Variants in SIPA1L1 observed in about 807,000 individuals in gnomAD.
SIPA1L1 encodes the protein signal-induced proliferation-associated 1-like protein 1.
Under a neutral mutation model 162.7 loss-of-function variants are expected in SIPA1L1, and 26 were observed. The ratio of observed to expected loss-of-function variants is 0.16; its 90% CI spans 0.12 to 0.22. The LOEUF (loss-of-function observed/expected upper bound fraction) is 0.22. Among genes scored for constraint, SIPA1L1 ranks in the 10% least tolerant of loss-of-function variants. The pLI is 1.00. For missense variants in SIPA1L1, 1,874 were observed against 2,241.0 expected, an observed-to-expected ratio of 0.84 and a Z score of 3.31; for synonymous variants, 829 against 837.4, an observed-to-expected ratio of 0.99 and a Z score of 0.17.
At chr14:71,476,284 C>G (rs1172904528) in intron 2 of SIPA1L1, among the ~76,000 whole-genome samples, 1 of 152,184 alleles carries the variant, frequency 6.6e-6, no homozygotes, top group South Asian at 2.1e-4. Flanking sequence ...GCATCTGTTT[C>G]CCGGATGTTT....
intron 9 of SIPA1L1, among the ~76,000 whole-genome samples, chr14:71,659,374 C>T (rs1295565097): frequency 1.8e-4 from 28 of 152,280 alleles, no homozygotes; most frequent in Non-Finnish European, 2.5e-4. Context: ...TTGATTAAAT[C>T]ACAAATCTAG....
chr14:71,608,908 CA>C (rs1246612909), intron 5 of SIPA1L1, among the ~76,000 whole-genome samples: 3 of 151,790 alleles, frequency 2.0e-5, no homozygotes. Flanking sequence ...CAAAACAAAA[CA>C]AAAACAAACA....
intron 2 of SIPA1L1, among the ~76,000 whole-genome samples, chr14:71,459,088 T>A (rs946770549): frequency 7.3e-5 from 11 of 150,218 alleles, no homozygotes; most frequent in Non-Finnish European, 1.3e-4. Context: ...AAAAAAAAAA[T>A]TCTCAGCAAT....
intron 4 of SIPA1L1, among the ~76,000 whole-genome samples, chr14:71,580,131 C>A (rs556070455): frequency 6.6e-6 from 1 of 152,182 alleles, no homozygotes; most frequent in East Asian, 1.9e-4. Context: ...CTGACTTCAT[C>A]GCTTTCTCTT....
At chr14:71,694,765 G>A (rs998635020) in intron 13 of SIPA1L1, among the ~76,000 whole-genome samples, 4 of 152,152 alleles carry the variant, frequency 2.6e-5, no homozygotes, top group African/African-American at 9.7e-5. Flanking sequence ...AAATCTGTTG[G>A]GGCATTAACA....
chr14:71,355,993 CTCTGAGTT>C (rs1033694898), intron 2 of SIPA1L1, among the ~76,000 whole-genome samples: 2 of 152,150 alleles, frequency 1.3e-5, no homozygotes, highest in Non-Finnish European at 2.9e-5. Context: ...AGAGACTGTA[CTCTGAGTT>C]TCTGGGAATG....
At chr14:71,563,798 A>G (rs1389533821) in intron 4 of SIPA1L1, among the ~76,000 whole-genome samples, 1 of 152,220 alleles carries the variant, frequency 6.6e-6, no homozygotes, top group Non-Finnish European at 1.5e-5. Context: ...GTAACTCTCC[A>G]GCAATCTTAG....
chr14:71,585,663 G>T (rs1029895738), intron 4 of SIPA1L1, among the ~76,000 whole-genome samples: 1 of 152,156 alleles, frequency 6.6e-6, no homozygotes, highest in Non-Finnish European at 1.5e-5. Context: ...TTGGTGTGTT[G>T]TCCTTTTAGA....
At chr14:71,614,912 T>G (rs1457616649) in intron 5 of SIPA1L1, among the ~76,000 whole-genome samples, 1 of 152,184 alleles carries the variant, frequency 6.6e-6, no homozygotes, top group African/African-American at 2.4e-5. Context: ...TGTTTAATAT[T>G]TTTAGTTTAT....
chr14:71,677,119 A>G (rs2045290421), intron 12 of SIPA1L1, among the ~76,000 whole-genome samples: 1 of 152,142 alleles, frequency 6.6e-6, no homozygotes, highest in Non-Finnish European at 1.5e-5. Context: ...ATTTCTCCAC[A>G]TCCTCTCCAG....
chr14:71,431,136 T>C (rs2043957330), intron 2 of SIPA1L1, among the ~76,000 whole-genome samples: 1 of 152,202 alleles, frequency 6.6e-6, no homozygotes, highest in Non-Finnish European at 1.5e-5. Context: ...TAACTCCTAC[T>C]CACAGATCCT....
chr14:71,620,414 A>G (rs926751277), intron 6 of SIPA1L1, among the ~76,000 whole-genome samples: 1 of 152,118 alleles, frequency 6.6e-6, no homozygotes, highest in Admixed American at 6.5e-5. Context: ...ACTTCCAAGT[A>G]TTTTTGTCTT....
intron 3 of SIPA1L1, among the ~76,000 whole-genome samples, chr14:71,519,049 C>A (rs1348251625): frequency 1.3e-5 from 2 of 152,104 alleles, no homozygotes; most frequent in African/African-American, 2.4e-5. Context: ...GGGTCCCTCC[C>A]ACAACACGTG....
rs1351702614 is a variant in SIPA1L1, at chr14:71,735,354, G to C, written c.5086G>C (p.Glu1696Gln). 6.2e-7 allele frequency: 1 copy of C among 1,614,162 alleles called. No individual in the cohort carries two copies. Among genetic ancestry groups the C allele is most frequent in the South Asian group, 1.1e-5 (1 of 91,080 alleles). ...TGCTGCATCCAACAGTGATCAGCTGGAGGACCAGGCTCTGGCCCAGATGAA... is the reference window on the plus strand; with the variant it reads ...TGCTGCATCCAACAGTGATCAGCTGCAGGACCAGGCTCTGGCCCAGATGAA... ...LSAASNSDQL[E>Q]DQALAQMKPY... Residue 1696 changes from glutamate to glutamine, a missense_variant, in exon 22 of 24, where the codon GAG becomes CAG. Glu to Gln is a conservative substitution (Grantham distance 29). This residue lies in a region of SIPA1L1 where 936 missense variants were observed against 1,051.9 expected (regional missense o/e 0.89). Coordinates refer to ENST00000381232, the MANE Select transcript of SIPA1L1 (RefSeq NM_001386936.1).
At chr14:71,424,713 A>G (rs1171994285) in intron 2 of SIPA1L1, among the ~76,000 whole-genome samples, 1 of 152,076 alleles carries the variant, frequency 6.6e-6, no homozygotes. Context: ...TTCATTAGAG[A>G]TAATGGTCTC....
intron 2 of SIPA1L1, among the ~76,000 whole-genome samples, chr14:71,375,413 A>C (rs2039283792): frequency 6.6e-6 from 1 of 152,156 alleles, no homozygotes. Context: ...AATATGTAAG[A>C]ATATACTTGA....
chr14:71,370,332 G>T (rs1411246137), intron 2 of SIPA1L1, among the ~76,000 whole-genome samples: 1 of 149,374 alleles, frequency 6.7e-6, no homozygotes, highest in East Asian at 2.0e-4. Context: ...TTTGAAATAC[G>T]TCCCATCAAT....
chr14:71,461,467 T>C (rs1467668036), intron 2 of SIPA1L1, among the ~76,000 whole-genome samples: 2 of 152,168 alleles, frequency 1.3e-5, no homozygotes, highest in Admixed American at 1.3e-4. Context: ...TTCCATTCAC[T>C]TGATTATTAA....
At chr14:71,542,554 C>T (rs1015155023) in intron 4 of SIPA1L1, among the ~76,000 whole-genome samples, 11 of 146,514 alleles carry the variant, frequency 7.5e-5, no homozygotes, top group Non-Finnish European at 1.5e-4. Flanking sequence ...CTTCCTCCTC[C>T]TCCTCTTCCT....
Sources: allele counts gnomAD v4.1 joint callset (sites outside exome capture counted in the v4.1 genomes callset), GRCh38; gene constraint gnomAD v4.1.1; regional missense constraint gnomAD v4.1.1; transcripts MANE v1.5; gene names NCBI Gene and HGNC (gene_info 2026-07-23, HGNC 2026-07-21).